PDGFD: variants seen among roughly 807,000 people sequenced by gnomAD.
PDGFD encodes platelet-derived growth factor D.
In PDGFD, 30 loss-of-function variants were observed where a neutral mutation model predicts 44.7. The observed-to-expected ratio is 0.67, with a 90% CI of 0.50 to 0.91. The LOEUF (loss-of-function observed/expected upper bound fraction) is 0.91, where lower values mean the gene tolerates loss of function less well. PDGFD is among the 40% of genes least tolerant of loss of function. The pLI is 0.00. For synonymous variants in PDGFD, 173 were observed against 168.4 expected (o/e 1.03, Z -0.21); for missense variants, 445 against 457.8 (o/e 0.97, Z 0.25).
At chr11:104,063,276 T>C (rs774318274) in intron 1 of PDGFD, among the ~76,000 whole-genome samples, 2 of 151,966 alleles carry the variant, frequency 1.3e-5, no homozygotes, top group Non-Finnish European at 2.9e-5. Context: ...CCTTTACTGA[T>C]TCATCTTACC....
At chr11:104,057,374 A>G (rs2134410974) in intron 1 of PDGFD, among the ~76,000 whole-genome samples, 1 of 152,366 alleles carries the variant, frequency 6.6e-6, no homozygotes, top group Non-Finnish European at 1.5e-5. Context: ...ATCATAATTT[A>G]TACAAAAAAC....
chr11:104,075,401 A>G (rs1860942025), intron 1 of PDGFD, among the ~76,000 whole-genome samples: 1 of 151,588 alleles, frequency 6.6e-6, no homozygotes, highest in Non-Finnish European at 1.5e-5. Context: ...TTAAATCTAC[A>G]CTAAGTGTGA....
At chr11:103,984,879 ATATT>A (rs1481443470) in intron 3 of PDGFD, among the ~76,000 whole-genome samples, 1 of 138,834 alleles carries the variant, frequency 7.2e-6, no homozygotes, top group Admixed American at 7.4e-5. Flanking sequence ...TAATATAGTT[ATATT>A]TATTTACTAT....
intron 1 of PDGFD, among the ~76,000 whole-genome samples, chr11:104,101,576 C>T (rs1057275452): frequency 3.9e-5 from 6 of 152,166 alleles, no homozygotes; most frequent in Non-Finnish European, 7.3e-5. Flanking sequence ...GAAAAAACTA[C>T]TTTAAAGTTC....
chr11:104,075,540 C>A (rs141638258), intron 1 of PDGFD, among the ~76,000 whole-genome samples: 1 of 152,210 alleles, frequency 6.6e-6, no homozygotes, highest in African/African-American at 2.4e-5. Context: ...GTCACCCAGA[C>A]TGGAGTGCAG....
intron 3 of PDGFD, among the ~76,000 whole-genome samples, chr11:103,949,996 T>C (rs971948442): frequency 6.6e-6 from 1 of 152,166 alleles, no homozygotes; most frequent in African/African-American, 2.4e-5. Context: ...ATGTTGGGCA[T>C]AGTGCGTTTG....
chr11:103,953,811 A>G (rs947021865), intron 3 of PDGFD, among the ~76,000 whole-genome samples: 10 of 152,220 alleles, frequency 6.6e-5, no homozygotes, highest in African/African-American at 2.2e-4. Context: ...TTTCTCACCA[A>G]TTGCTAAAAG....
intron 6 of PDGFD, among the ~76,000 whole-genome samples, chr11:103,914,362 C>T (rs1448651618): frequency 6.6e-6 from 1 of 151,832 alleles, no homozygotes; most frequent in Non-Finnish European, 1.5e-5. Context: ...GCCTTTTTGG[C>T]TCCCAAAACA....
intron 1 of PDGFD, among the ~76,000 whole-genome samples, chr11:104,058,186 T>A (rs906357074): frequency 4.6e-5 from 7 of 152,178 alleles, no homozygotes; most frequent in African/African-American, 1.2e-4. Context: ...AACTCTTGGA[T>A]AAACACTTTA....
intron 1 of PDGFD, chr11:104,038,305 A>G (rs1388801191): frequency 2.8e-6 from 1 of 353,280 alleles, no homozygotes; most frequent in Non-Finnish European, 5.4e-6. Flanking sequence ...CTTTAGAGAC[A>G]CTATCCTATC....
chr11:104,115,955 T>C (rs1397910148), intron 1 of PDGFD, among the ~76,000 whole-genome samples: 2 of 152,116 alleles, frequency 1.3e-5, no homozygotes, highest in Admixed American at 1.3e-4. Context: ...GTCAGATGTA[T>C]AGATTGTGAA....
intron 1 of PDGFD, among the ~76,000 whole-genome samples, chr11:104,085,159 A>G (rs1861111833): frequency 2.2e-5 from 1 of 46,150 alleles, no homozygotes; most frequent in Non-Finnish European, 3.4e-5. Context: ...GTGTCACCCC[A>G]TCACCATTGT....
intron 1 of PDGFD, among the ~76,000 whole-genome samples, chr11:104,007,415 T>C (rs1859720001): frequency 6.6e-6 from 1 of 152,198 alleles, no homozygotes; most frequent in South Asian, 2.1e-4. Context: ...AATGAAACTA[T>C]GAATAATGGT....
chr11:103,972,937 T>C (rs1242128623), intron 3 of PDGFD, among the ~76,000 whole-genome samples: 2 of 152,148 alleles, frequency 1.3e-5, no homozygotes, highest in African/African-American at 4.8e-5. Flanking sequence ...AAACAGTAAT[T>C]CATTCATTTC....
intron 1 of PDGFD, among the ~76,000 whole-genome samples, chr11:104,076,298 A>C (rs899347376): frequency 1.3e-5 from 2 of 152,168 alleles, no homozygotes; most frequent in African/African-American, 2.4e-5. Context: ...ATGGAAATGA[A>C]CTAATGCAGC....
At chr11:104,057,844 T>C (rs1246203518) in intron 1 of PDGFD, among the ~76,000 whole-genome samples, 1 of 152,112 alleles carries the variant, frequency 6.6e-6, no homozygotes, top group Non-Finnish European at 1.5e-5. Context: ...TAGAACACAA[T>C]AGAGTCCGGA....
intron 1 of PDGFD, among the ~76,000 whole-genome samples, chr11:104,076,771 C>T (rs1188240968): frequency 1.3e-5 from 2 of 152,186 alleles, no homozygotes; most frequent in Non-Finnish European, 2.9e-5. Flanking sequence ...GTCTCTGCCA[C>T]CCTTAAGACA....
At chr11:103,948,891 C>T (rs1387404748) in intron 3 of PDGFD, among the ~76,000 whole-genome samples, 1 of 151,204 alleles carries the variant, frequency 6.6e-6, no homozygotes, top group African/African-American at 2.4e-5. Context: ...TAGAAACTGA[C>T]TAGATGATGG....
At chr11:104,074,060 G>GA (rs1046505751) in intron 1 of PDGFD, among the ~76,000 whole-genome samples, 21 of 152,102 alleles carry the variant, frequency 1.4e-4, no homozygotes, top group Admixed American at 2.6e-4. Context: ...GCAGAGGCAT[G>GA]AAAAAATGCT....
Sources: gnomAD v4.1 joint callset for allele counts (sites outside exome capture counted in the v4.1 genomes callset) on GRCh38, gnomAD v4.1.1 for gene constraint, MANE v1.5 for transcripts, NCBI Gene and HGNC (gene_info 2026-07-23, HGNC 2026-07-21) for gene names.